The following IWS1 variants were observed in gnomAD, a reference collection of about 807,000 sequenced individuals.
IWS1 encodes the protein protein IWS1 homolog.
Under a neutral mutation model 86.7 loss-of-function variants are expected in IWS1, and 27 were observed. The ratio of observed to expected loss-of-function variants is 0.31; its 90% CI spans 0.23 to 0.43. The LOEUF is 0.43. IWS1 is among the 20% of genes least tolerant of loss of function. The pLI, the probability that IWS1 is intolerant of heterozygous loss-of-function variation, is 1.00. For synonymous variants in IWS1, 313 were observed against 335.1 expected, an observed-to-expected ratio of 0.93 and a Z score of 0.72; for missense variants, 827 against 1,000.8, an observed-to-expected ratio of 0.83 and a Z score of 2.34.
intron 5 of IWS1, chr2:127,498,720 T>C (rs1690638655): frequency 1.3e-5 from 2 of 152,530 alleles, no homozygotes; most frequent in East Asian, 3.8e-4. Context: ...GTTATACCAA[T>C]TATCTCTCCA....
chr2:127,498,092 C>A, intron 6 of IWS1, 48 bp downstream of exon 6: 1 of 1,425,196 alleles, frequency 7.0e-7, no homozygotes, highest in South Asian at 1.2e-5. Flanking sequence ...TAGTCTCTAC[C>A]TTGATTTTTA....
Position 127,489,049 on chromosome 2 carries a change from C to T in IWS1, c.2216+130G>A. ...TACCCAATACAATGCTTTGTAGATACTAAACGTTAAAATGAAAGTCACCTC... is the reference window on the plus strand; with the variant it reads ...TACCCAATACAATGCTTTGTAGATATTAAACGTTAAAATGAAAGTCACCTC... On this transcript the variant is annotated intron_variant, in intron 12 of 13. Coordinates refer to ENST00000295321, the MANE Select transcript of IWS1 (RefSeq NM_017969.3). The surrounding 1 kb of genome is among the most constrained non-coding windows in gnomAD (Gnocchi z 4.8). The T allele has an allele frequency of 1.5e-6, 1 of 647,392 alleles. No homozygotes were observed. The highest frequency in any genetic ancestry group is 2.7e-6 in the Non-Finnish European group (1 of 364,128). The allele number at this position is 647,392 out of a possible 1,614,324, so 40.1% of individuals were successfully genotyped here. A position where few individuals can be genotyped will look rare whatever the true frequency, so the allele number is the denominator to read the frequency against.
chr2:127,487,697 C>T (rs1689999803), intron 12 of IWS1, among the ~76,000 whole-genome samples: 1 of 152,104 alleles, frequency 6.6e-6, no homozygotes, highest in Non-Finnish European at 1.5e-5. Flanking sequence ...ACTACAGGCG[C>T]CCGCCACCAC....
At chr2:127,483,938 T>C (rs1689794720) in intron 13 of IWS1, among the ~76,000 whole-genome samples, 1 of 151,140 alleles carries the variant, frequency 6.6e-6, no homozygotes, top group African/African-American at 2.5e-5. Flanking sequence ...GAATAATGTT[T>C]CTCTTTGTAC....
Position 127,504,691 on chromosome 2 carries a change from C to T in IWS1, c.1212G>A (p.Glu404=). The T allele has an allele frequency of 6.3e-7, 1 of 1,598,072 alleles. No individual in the cohort carries two copies. Among genetic ancestry groups the T allele is most frequent in the Non-Finnish European group, 8.5e-7 (1 of 1,172,808 alleles). The change falls in exon 3 of 14, where the codon GAG becomes GAA. Residue 404 remains glutamate, a synonymous_variant. Coordinates refer to ENST00000295321, the MANE Select transcript of IWS1 (RefSeq NM_017969.3). ...CCCAAGGTAACTCCTTACATGCTTTCTCTTCATCTTCACTATCAGAAAGCA... is the reference window on the plus strand; with the variant it reads ...CCCAAGGTAACTCCTTACATGCTTTTTCTTCATCTTCACTATCAGAAAGCA... ...AAVLSDSEDE[E]KASAKKSRVV... is the part of the protein sequence containing the mutation.
At chr2:127,518,096 G>GT (rs1224926872) in intron 2 of IWS1, among the ~76,000 whole-genome samples, 1 of 152,174 alleles carries the variant, frequency 6.6e-6, no homozygotes, top group Non-Finnish European at 1.5e-5. Flanking sequence ...GGTTAGAAAG[G>GT]TAACAGCAAA....
intron 2 of IWS1, among the ~76,000 whole-genome samples, chr2:127,508,134 G>A (rs1462051869): frequency 2.6e-5 from 4 of 152,134 alleles, no homozygotes; most frequent in African/African-American, 9.7e-5. Flanking sequence ...ATAAGGTGAG[G>A]AAAAATTAAT....
At chr2:127,491,802 A>G (rs1454077389) in intron 10 of IWS1, among the ~76,000 whole-genome samples, 169 bp downstream of exon 10, 1 of 151,972 alleles carries the variant, frequency 6.6e-6, no homozygotes, top group East Asian at 1.9e-4. Flanking sequence ...GTTTTTTTTT[A>G]AAGTCTAAGA....
intron 5 of IWS1, among the ~76,000 whole-genome samples, chr2:127,500,642 T>C (rs1397551157): frequency 1.3e-5 from 2 of 152,180 alleles, no homozygotes; most frequent in Non-Finnish European, 2.9e-5. Context: ...CATCAGTATA[T>C]GGCTGGTTTT....
chr2:127,526,083 G>T (rs1692394744), intron 1 of IWS1, 92 bp downstream of exon 1: 1 of 1,271,004 alleles, frequency 7.9e-7, no homozygotes, highest in Non-Finnish European at 1.1e-6. Context: ...GGTTTCGGGG[G>T]GCCTCCTTGC....
chr2:127,508,991 A>T (rs1238917671), intron 2 of IWS1, among the ~76,000 whole-genome samples: 2 of 152,206 alleles, frequency 1.3e-5, no homozygotes, highest in Non-Finnish European at 2.9e-5. Flanking sequence ...TAAGACAATG[A>T]TTGTAAAATT....
chr2:127,524,796 C>T (rs1348442047), intron 1 of IWS1, among the ~76,000 whole-genome samples: 2 of 151,838 alleles, frequency 1.3e-5, no homozygotes, highest in Non-Finnish European at 2.9e-5. Context: ...CCACCGTGCT[C>T]GGTCTACTTT....
Position 127,499,956 on chromosome 2 carries a change from G to A in IWS1, c.1468-1719C>T, listed in dbSNP as rs946936312. 2.6e-5 allele frequency among the ~76,000 whole-genome samples: 4 copies of A among 152,068 alleles called. No individual in the cohort carries two copies. The highest frequency in any genetic ancestry group is 9.7e-5 in the African/African-American group (4 of 41,424). On this transcript the variant is annotated intron_variant, in intron 5 of 13. Coordinates refer to ENST00000295321, the MANE Select transcript of IWS1 (RefSeq NM_017969.3). This position sits in a 1 kb window ranked among gnomAD's most constrained non-coding sequence, Gnocchi z 4.0. The stretch of plus-strand genomic sequence containing the variant: ...TTGACTCTTACCTCATACCACATAC[G>A]AAACCAATTCTAGGTGAATTATACA...
chr2:127,485,571 G>C (rs902770123), intron 13 of IWS1, among the ~76,000 whole-genome samples: 1 of 152,168 alleles, frequency 6.6e-6, no homozygotes, highest in African/African-American at 2.4e-5. Context: ...ACATATCACT[G>C]TAATTCTGGG....
chr2:127,495,071 A>C, intron 7 of IWS1, 117 bp from the exon 8 acceptor site: 4 of 624,574 alleles, frequency 6.4e-6, no homozygotes, highest in Non-Finnish European at 1.1e-5. Flanking sequence ...TTTTCCTACA[A>C]GAAAGAATAA....
In IWS1 at chr2:127,489,816, A is replaced by T; in HGVS notation, c.2159+16T>A. ...AATAACGTGTATTCCACTTACTCAT[A>T]CCTGTTCCCTCATACCTGTTCATTC... is the stretch of plus-strand genomic sequence containing the variant. On this transcript the variant is annotated intron_variant, in intron 11 of 13. Transcript: ENST00000295321. The surrounding 1 kb of genome is among the most constrained non-coding windows in gnomAD (Gnocchi z 4.8). 1 of 1,373,994 alleles carries T rather than the reference A, an allele frequency of 7.3e-7. No individual in the cohort carries two copies. Among genetic ancestry groups the T allele is most frequent in the South Asian group, 1.2e-5 (1 of 86,192 alleles). The allele number at this position is 1,373,994 out of a possible 1,614,324, so 85.1% of individuals were successfully genotyped here.
rs1225713100 is a variant in IWS1, at chr2:127,504,685, T to C, written c.1218A>G (p.Ala406=). The C allele has an allele frequency of 2.5e-6, 4 of 1,592,576 alleles. No homozygotes were observed. Among genetic ancestry groups the C allele is most frequent in the Non-Finnish European group, 3.4e-6 (4 of 1,170,098 alleles). The change falls in exon 3 of 14, where the codon GCA becomes GCG. Residue 406 remains alanine (A), a splice_region_variant and synonymous_variant. Coordinates refer to ENST00000295321, the MANE Select transcript of IWS1 (RefSeq NM_017969.3). ...VLSDSEDEEK[A]SAKKSRVVSD... is the part of the protein sequence containing the mutation. ...AAACAGCCCAAGGTAACTCCTTACA[T>C]GCTTTCTCTTCATCTTCACTATCAG...
At chr2:127,500,653 T>C (rs1404463316) in intron 5 of IWS1, among the ~76,000 whole-genome samples, 1 of 152,210 alleles carries the variant, frequency 6.6e-6, no homozygotes, top group East Asian at 1.9e-4. Context: ...GGCTGGTTTT[T>C]AAGATCCTGT....
chr2:127,502,843 G>T lies in IWS1; in HGVS notation c.1439C>A (p.Ser480Tyr). 1 of 1,542,884 alleles carries T rather than the reference G, an allele frequency of 6.5e-7. No individual in the cohort carries two copies. ...ENLIADIFGE[S>Y]GDEEEEEFTG... ...AAATTCTTCTTCCTCTTCATCACCA[G>T]ATTCTCCAAATATGTCTGCAATAAG... The change falls in exon 5 of 14, where the codon TCT (serine) becomes TAT (tyrosine). Residue 480 changes from serine to tyrosine, a missense_variant. By Grantham distance (144) the Ser-to-Tyr change is moderately radical. This residue lies in a region of IWS1 where 279 missense variants were observed against 440.6 expected (regional missense o/e 0.63). Coordinates refer to ENST00000295321, the MANE Select transcript of IWS1 (RefSeq NM_017969.3).
Sources: allele counts gnomAD v4.1 joint callset (sites outside exome capture counted in the v4.1 genomes callset), GRCh38; gene constraint gnomAD v4.1.1; regional missense constraint gnomAD v4.1.1; non-coding constraint Gnocchi (gnomAD v3.1); transcripts MANE v1.5; gene names NCBI Gene and HGNC (gene_info 2026-07-23, HGNC 2026-07-21).